INTS1: variants seen among roughly 807,000 people sequenced by gnomAD.
INTS1 encodes the protein integrator complex subunit 1.
In INTS1, 137 loss-of-function variants were observed where a neutral mutation model predicts 241.6. The observed-to-expected ratio is 0.57, with a 90% confidence interval of 0.49 to 0.65. The LOEUF (loss-of-function observed/expected upper bound fraction) is 0.65, where lower values mean the gene tolerates loss of function less well. INTS1 is among the 30% of genes least tolerant of loss of function. The pLI, the probability that INTS1 is intolerant of heterozygous loss-of-function variation, is 0.00. For missense variants in INTS1, 3,073 were observed against 3,032.2 expected, an observed-to-expected ratio of 1.01 and a Z score of -0.32; for synonymous variants, 1,692 against 1,337.8, an observed-to-expected ratio of 1.26 and a Z score of -5.78.
Position 1,493,675 on chromosome 7 carries a change from G to A in INTS1, c.2068+79C>T. The A allele has an allele frequency of 3.4e-6, 5 of 1,482,480 alleles. No homozygotes were observed. The Admixed American group carries it at 6.7e-5, about 20-fold the overall frequency. The allele number at this position is 1,482,480 out of a possible 1,614,324, so 91.8% of individuals were successfully genotyped here. On this transcript the variant is annotated intron_variant, in intron 15 of 47. Coordinates refer to ENST00000404767, the MANE Select transcript of INTS1 (RefSeq NM_001080453.3). This position sits in a 1 kb window ranked among gnomAD's most constrained non-coding sequence, Gnocchi z 5.3. ...CGCAGCTTTGTGGAGCGCCCCAGAG[G>A]TGCGTGCCAGAGCCGGGGTTTCTGC...
chr7:1,498,616 C>T, intron 9 of INTS1, 63 bp from the exon 10 acceptor site: 2 of 1,584,336 alleles, frequency 1.3e-6, no homozygotes, highest in Non-Finnish European at 1.7e-6. Flanking sequence ...CCGCCTGTGC[C>T]CCCACTCCGC....
chr7:1,483,528 C>G (rs956843840), intron 26 of INTS1: 1 of 611,288 alleles, frequency 1.6e-6, no homozygotes, highest in African/African-American at 1.8e-5. Context: ...GGAGGTCCCA[C>G]CACGTGGGGA....
rs1196118333 is a variant in INTS1 at position 1,489,820 on chromosome 7, G to A, written c.2166-138C>T. ...CCGGGACTGCCCTCCAGTGACACCT[G>A]TCCAAGCATGTGCATCAGCCTGGCT... On this transcript the variant is annotated intron_variant, in intron 16 of 47. Transcript: ENST00000404767. 9.9e-6 allele frequency: 6 copies of A among 603,288 alleles called. No homozygotes were observed. The East Asian group carries it at 1.1e-4, about 11-fold the overall frequency. 37.4% of individuals were successfully genotyped at this position (603,288 alleles called of 1,614,324 possible). A position where few individuals can be genotyped will look rare whatever the true frequency, so the allele number is the denominator to read the frequency against.
rs1240021081 is a variant in INTS1, at chr7:1,480,305, C to A, written c.4074+12G>T. Reference sequence around the variant, plus strand: ...GCTGCAGGTGGAGACCCACATGCAGCAGCAACGCTACCTGGAGGAACATGC... The same window carrying A: ...GCTGCAGGTGGAGACCCACATGCAGAAGCAACGCTACCTGGAGGAACATGC... On this transcript the variant is annotated intron_variant, in intron 30 of 47. Transcript: ENST00000404767. 1 of 1,596,540 alleles carries A rather than the reference C, an allele frequency of 6.3e-7. No individual in the cohort carries two copies. Among genetic ancestry groups the A allele is most frequent in the Admixed American group, 1.7e-5 (1 of 58,964 alleles).
Position 1,485,595 on chromosome 7 carries a change from G to A in INTS1, c.2977-126C>T, listed in dbSNP as rs376280216. 7 of 970,240 alleles carry A rather than the reference G, an allele frequency of 7.2e-6. No individual in the cohort carries two copies. In the East Asian group the frequency reaches 8.0e-5, roughly 11 times the overall value. The allele number at this position is 970,240 out of a possible 1,614,324, so 60.1% of individuals were successfully genotyped here. A position where few individuals can be genotyped will look rare whatever the true frequency, so the allele number is the denominator to read the frequency against. On this transcript the variant is annotated intron_variant, in intron 22 of 47. Transcript: ENST00000404767. The stretch of plus-strand genomic sequence containing the variant: ...AGAATGTGGCGCTTGCTTCCCACGG[G>A]AGAGGCCGCAGGTAAAAGGGAAAAA...
At position 1,481,099 on chromosome 7, in the gene INTS1, C is replaced by T. The variant is rs1781972475; in HGVS notation, c.3851-166G>A. The T allele has an allele frequency of 1.0e-5, 7 of 690,858 alleles. No homozygotes were observed. The highest frequency in any genetic ancestry group is 1.8e-5 in the Non-Finnish European group (7 of 398,884). 42.8% of individuals were successfully genotyped at this position (690,858 alleles called of 1,614,324 possible). On this transcript the variant is annotated intron_variant, in intron 28 of 47. Transcript: ENST00000404767. This position sits in a 1 kb window ranked among gnomAD's most constrained non-coding sequence, Gnocchi z 6.8. The stretch of plus-strand genomic sequence containing the variant: ...TCAGCACTGAGGCCCCAACAGCTCC[C>T]TCCAAGCTCAAAACACGGCCCTAGG...
intron 45 of INTS1, 62 bp from the exon 46 acceptor site, chr7:1,471,286 C>T: frequency 6.7e-7 from 1 of 1,488,290 alleles, no homozygotes; most frequent in Non-Finnish European, 9.1e-7. Flanking sequence ...AAGGCCCCTT[C>T]ACCTCTTGGT....
chr7:1,489,513 C>T, intron 17 of INTS1, 78 bp downstream of exon 17: 3 of 1,530,366 alleles, frequency 2.0e-6, no homozygotes, highest in Non-Finnish European at 2.7e-6. Flanking sequence ...CATCCCAAGT[C>T]CCAACAGACA....
chr7:1,470,354 C>G lies in INTS1; in HGVS notation c.*223G>C. On this transcript the variant is annotated 3_prime_UTR_variant, in exon 48 of 48. Transcript: ENST00000404767. ...CCGCCGCTCCGCGGCAGGGCTGTGG[C>G]CCAGAAGGTGAATGAGGGCTTGCTG... 1 of 500,392 alleles carries G rather than the reference C, an allele frequency of 2.0e-6. No homozygotes were observed. The highest frequency in any genetic ancestry group is 3.5e-6 in the Non-Finnish European group (1 of 285,552). 31.0% of individuals were successfully genotyped at this position (500,392 alleles called of 1,614,324 possible). A position where few individuals can be genotyped will look rare whatever the true frequency, so the allele number is the denominator to read the frequency against.
rs1480894646 is a variant in INTS1, at chr7:1,473,238, T to TGG, written c.5958-56_5958-55dup. On this transcript the variant is annotated intron_variant, in intron 42 of 47. Coordinates refer to ENST00000404767, the MANE Select transcript of INTS1 (RefSeq NM_001080453.3). ...AGGAAGACGCTGGCAGGAGGAAGGC[T>TGG]GGGTCAGGGGTCAAACTAGGGTGGC... The TGG allele has an allele frequency of 6.0e-6, 8 of 1,324,172 alleles. No individual in the cohort carries two copies. The Admixed American group carries it at 1.1e-4, about 18-fold the overall frequency. The allele number at this position is 1,324,172 out of a possible 1,614,324, so 82.0% of individuals were successfully genotyped here.
At chr7:1,491,114 A>G (rs1001394403) in intron 16 of INTS1, among the ~76,000 whole-genome samples, 3 of 152,244 alleles carry the variant, frequency 2.0e-5, no homozygotes, top group Admixed American at 1.3e-4. Flanking sequence ...TCACCAAACT[A>G]TAACATTCCC....
Position 1,485,864 on chromosome 7 carries a change from G to A in INTS1, c.2977-395C>T, listed in dbSNP as rs975754109. Among the ~76,000 whole-genome samples, 7 of 152,216 alleles carry A rather than the reference G, an allele frequency of 4.6e-5. No homozygotes were observed. The South Asian group carries it at 8.3e-4, about 18-fold the overall frequency. On this transcript the variant is annotated intron_variant, in intron 22 of 47. Coordinates refer to ENST00000404767, the MANE Select transcript of INTS1 (RefSeq NM_001080453.3). ...ATTCTGTTGCCTAGGCTGGAGTGCA[G>A]TGGTGTGATCACAGCTCACTACAGC...
intron 39 of INTS1, 100 bp downstream of exon 39, chr7:1,475,848 T>C: frequency 7.1e-7 from 1 of 1,403,766 alleles, no homozygotes; most frequent in Non-Finnish European, 9.5e-7. Flanking sequence ...GCAAGAGGGG[T>C]AGCCGGCGAT....
chr7:1,478,530 C>T (rs1414227248), intron 32 of INTS1, 24 bp from the exon 33 acceptor site: 1 of 1,603,424 alleles, frequency 6.2e-7, no homozygotes, highest in Non-Finnish European at 8.5e-7. Flanking sequence ...GTGTGAGTGC[C>T]CTGTGGCTCC....
At chr7:1,491,408 G>A (rs373417796) in intron 16 of INTS1, among the ~76,000 whole-genome samples, 5 of 152,290 alleles carry the variant, frequency 3.3e-5, no homozygotes, top group East Asian at 1.9e-4. Flanking sequence ...GAATGAAGCC[G>A]GACCCCTGCC....
In INTS1 at chr7:1,493,867, G is replaced by A. The variant is rs1252242563; in HGVS notation, c.1955C>T (p.Thr652Met). 5.7e-6 allele frequency: 9 copies of A among 1,566,646 alleles called. No homozygotes were observed. The highest frequency in any genetic ancestry group is 2.4e-5 in the South Asian group (2 of 85,002). ...LCSEVPILED[T>M]LMRILVIGLS... Reference sequence around the variant, plus strand: ...CCCGATGACCAGGATGCGCATCAGCGTGTCCTCCAAAATGGGCACCTCGGA... The same window carrying A: ...CCCGATGACCAGGATGCGCATCAGCATGTCCTCCAAAATGGGCACCTCGGA... The change falls in exon 15 of 48, where the codon ACG becomes ATG. Residue 652 changes from threonine (T) to methionine (M), a missense_variant. By Grantham distance (81) the Thr-to-Met change is moderately conservative. Coordinates refer to ENST00000404767, the MANE Select transcript of INTS1 (RefSeq NM_001080453.3). The surrounding 1 kb of genome is among the most constrained non-coding windows in gnomAD (Gnocchi z 5.3).
chr7:1,471,318 G>A (rs139771185), intron 45 of INTS1, 94 bp from the exon 46 acceptor site: 21 of 1,307,714 alleles, frequency 1.6e-5, no homozygotes, highest in Middle Eastern at 1.9e-4. Context: ...TGGCGGCAAC[G>A]GCAGGGACCC....
At position 1,503,997 on chromosome 7, in the gene INTS1, G is replaced by C; in HGVS notation, c.-37C>G. ...CCTCGCGGCTCCCGGCGGCTGCGGC[G>C]TCACCTGCGGAGGAGCCAGCGTGCG... On this transcript the variant is annotated 5_prime_UTR_variant, in exon 2 of 48. Transcript: ENST00000404767. The C allele has an allele frequency of 6.7e-7, 1 of 1,500,196 alleles. No individual in the cohort carries two copies. Among genetic ancestry groups the C allele is most frequent in the Non-Finnish European group, 9.0e-7 (1 of 1,109,410 alleles). The allele number at this position is 1,500,196 out of a possible 1,614,324, so 92.9% of individuals were successfully genotyped here.
chr7:1,500,015 A>G lies in INTS1; in HGVS notation c.553T>C (p.Cys185Arg), dbSNP rs746760966. ...GAGGCGTCCCGCCGCAGGAGGCTAC[A>G]CAGAGCCTGCCAGGGAGGGCGCATG... ...FATEGVIEAL[C>R]SLLRRDASIN... The change falls in exon 5 of 48, where the codon TGT (cysteine) becomes CGT (arginine). Residue 185 changes from cysteine to arginine, a missense_variant. Transcript: ENST00000404767. 1 of 1,613,198 alleles carries G rather than the reference A, an allele frequency of 6.2e-7. No homozygotes were observed. The highest frequency in any genetic ancestry group is 2.2e-5 in the East Asian group (1 of 44,874).
Sources: gnomAD v4.1 joint callset for allele counts (sites outside exome capture counted in the v4.1 genomes callset) on GRCh38, gnomAD v4.1.1 for gene constraint, Gnocchi (gnomAD v3.1) non-coding constraint, MANE v1.5 for transcripts, NCBI Gene and HGNC (gene_info 2026-07-23, HGNC 2026-07-21) for gene names.